Variants in ANXA9 observed in about 807,000 individuals in gnomAD.
The protein encoded by ANXA9 is annexin 31.
In ANXA9, 47 loss-of-function variants were observed where a neutral mutation model predicts 51.8. That is an observed-to-expected ratio of 0.91 (90% CI 0.72 to 1.16). The LOEUF is 1.16. Among genes scored for constraint, ANXA9 ranks in the 50% most tolerant of loss-of-function variants. ANXA9 has a pLI of 0.00. For synonymous variants in ANXA9, 154 were observed against 168.7 expected (o/e 0.91, Z 0.68); for missense variants, 361 against 424.7 (o/e 0.85, Z 1.32).
chr1:150,977,585 C>T (rs1045924708), upstream of ANXA9, among the ~76,000 whole-genome samples: 4 of 152,182 alleles, frequency 2.6e-5, no homozygotes, highest in African/African-American at 9.7e-5. Flanking sequence ...CCTTCAGCCC[C>T]GAGTTTAGAT....
At chr1:150,980,125 G>A (rs587662281), upstream of ANXA9, among the ~76,000 whole-genome samples, 16 of 152,236 alleles carry the variant, frequency 1.1e-4, no homozygotes, top group Admixed American at 5.9e-4. Flanking sequence ...AATTACAGGC[G>A]GTGGCTCACG....
rs1671451955 is a variant in ANXA9 at position 150,983,094 on chromosome 1, A to C, written c.-12A>C. ...GGCTCCTGTTTCCTTCCCCAGGGCA[A>C]CCAGTAGCACCATGTCTGTGACTGG... is the stretch of plus-strand genomic sequence containing the variant. On this transcript the variant is annotated 5_prime_UTR_variant, in exon 3 of 14. Coordinates refer to ENST00000368947, the MANE Select transcript of ANXA9 (RefSeq NM_003568.3). 1 of 1,612,958 alleles carries C rather than the reference A, an allele frequency of 6.2e-7. No homozygotes were observed. Among genetic ancestry groups the C allele is most frequent in the African/African-American group, 1.3e-5 (1 of 74,864 alleles).
At chr1:150,993,828 T>G (rs1671767476) in intron 12 of ANXA9, among the ~76,000 whole-genome samples, 1 of 151,288 alleles carries the variant, frequency 6.6e-6, no homozygotes, top group Non-Finnish European at 1.5e-5. Flanking sequence ...AGAGACGGGG[T>G]TTCACCATTT....
intron 12 of ANXA9, among the ~76,000 whole-genome samples, chr1:150,991,288 G>A (rs1347966975): frequency 8.7e-5 from 13 of 150,138 alleles, no homozygotes; most frequent in Non-Finnish European, 5.9e-5. Context: ...CCAGGCTGGA[G>A]TGCAGTGGCG....
intron 12 of ANXA9, among the ~76,000 whole-genome samples, chr1:150,993,698 G>A (rs1410459885): frequency 7.0e-6 from 1 of 143,554 alleles, no homozygotes; most frequent in African/African-American, 2.6e-5. Flanking sequence ...GCAGTGGCGC[G>A]ATCTCAGCTC....
At position 150,983,043 on chromosome 1, in the gene ANXA9, G is replaced by A. The variant is rs1571686074; in HGVS notation, c.-16-47G>A. 17 of 1,515,008 alleles carry A rather than the reference G, an allele frequency of 1.1e-5. 1 individual carries two copies. In the South Asian group the frequency reaches 2.0e-4, roughly 18 times the overall value. The allele number at this position is 1,515,008 out of a possible 1,614,324, so 93.8% of individuals were successfully genotyped here. ...CTCGGGGGGGTCATAAGGAGTCCCT[G>A]AAGGGCCAGGAAATTCAGCTCTGTG... On this transcript the variant is annotated intron_variant, in intron 2 of 13. Coordinates refer to ENST00000368947, the MANE Select transcript of ANXA9 (RefSeq NM_003568.3).
At chr1:150,987,980 C>G in intron 10 of ANXA9, 24 bp downstream of exon 10, 2 of 1,613,956 alleles carry the variant, frequency 1.2e-6, no homozygotes, top group East Asian at 2.2e-5. Flanking sequence ...TTCTTGTCCC[C>G]CTAGCTTGCT....
chr1:150,980,277 T>C (rs1258698621), upstream of ANXA9, among the ~76,000 whole-genome samples: 1 of 151,484 alleles, frequency 6.6e-6, no homozygotes, highest in Non-Finnish European at 1.5e-5. Flanking sequence ...GCGCCTATAA[T>C]CCCAGCTACT....
In ANXA9 at chr1:150,995,444, C is replaced by A; in HGVS notation, c.*122C>A. 2.3e-6 allele frequency: 2 copies of A among 854,512 alleles called. No individual in the cohort carries two copies. Among genetic ancestry groups the A allele is most frequent in the Non-Finnish European group, 3.6e-6 (2 of 560,618 alleles). The allele number at this position is 854,512 out of a possible 1,614,324, so 52.9% of individuals were successfully genotyped here. On this transcript the variant is annotated 3_prime_UTR_variant, in exon 14 of 14. Transcript: ENST00000368947. ...CCTCACTGAGCACCACATTCTCTAG[C>A]TTCTTGTTGAGGCTGGAACTGTTTC...
At chr1:150,979,560 C>G (rs1473531925), upstream of ANXA9, among the ~76,000 whole-genome samples, 1 of 152,176 alleles carries the variant, frequency 6.6e-6, no homozygotes, top group African/African-American at 2.4e-5. Flanking sequence ...AACCTGGCGT[C>G]CTCAGGAGGC....
chr1:150,978,680 T>G (rs111258532), upstream of ANXA9, among the ~76,000 whole-genome samples: 10 of 151,764 alleles, frequency 6.6e-5, no homozygotes, highest in African/African-American at 2.2e-4. Context: ...GGTAGTAGAT[T>G]AGAGGCTGGG....
chr1:150,994,747 C>T, intron 13 of ANXA9, 48 bp downstream of exon 13: 1 of 1,606,454 alleles, frequency 6.2e-7, no homozygotes. Context: ...CTTCACTCCT[C>T]ACCTCCACCC....
At chr1:150,983,941 C>G (rs1671485045) in intron 4 of ANXA9, 34 bp from the exon 5 acceptor site, 4 of 1,591,440 alleles carry the variant, frequency 2.5e-6, no homozygotes, top group African/African-American at 2.7e-5. Context: ...TATGTAAAGA[C>G]CCTGCTCACA....
intron 12 of ANXA9, among the ~76,000 whole-genome samples, chr1:150,990,121 C>A (rs991828016): frequency 6.6e-6 from 1 of 151,634 alleles, no homozygotes; most frequent in Non-Finnish European, 1.5e-5. Flanking sequence ...CCAACTTAGG[C>A]GACATAGCAA....
intron 12 of ANXA9, among the ~76,000 whole-genome samples, 181 bp from the exon 13 acceptor site, chr1:150,994,396 G>C (rs587621006): frequency 2.3e-4 from 35 of 152,162 alleles, no homozygotes; most frequent in Admixed American, 2.6e-4. Context: ...CTTTCCTGCT[G>C]TGTCATCTTC....
chr1:150,992,078 T>G (rs934157456), intron 12 of ANXA9, among the ~76,000 whole-genome samples: 1 of 152,136 alleles, frequency 6.6e-6, no homozygotes, highest in Non-Finnish European at 1.5e-5. Flanking sequence ...GTATTATTCT[T>G]TTATGAGAGA....
chr1:150,989,345 T>C (rs1671643961), intron 12 of ANXA9, among the ~76,000 whole-genome samples: 3 of 150,698 alleles, frequency 2.0e-5, no homozygotes, highest in Non-Finnish European at 4.4e-5. Flanking sequence ...CCAGTTATTC[T>C]GTTGATTGAA....
In ANXA9 at chr1:150,982,355, C is replaced by T. The variant is rs1013373243; in HGVS notation, c.-138C>T. ...AAGCTACCAGGCCACAACAACGACA[C>T]CCACCTCACCTCTGGCACCTCTGAG... is the stretch of plus-strand genomic sequence containing the variant. On this transcript the variant is annotated 5_prime_UTR_variant, in exon 1 of 14. Transcript: ENST00000368947. The T allele has an allele frequency of 6.5e-6, 1 of 153,088 alleles. No individual in the cohort carries two copies. The highest frequency in any genetic ancestry group is 2.4e-5 in the African/African-American group (1 of 41,484). The allele number at this position is 153,088 out of a possible 1,614,324, so 9.5% of individuals were successfully genotyped here.
At chr1:150,994,506 C>G in intron 12 of ANXA9, 71 bp from the exon 13 acceptor site, 1 of 1,593,646 alleles carries the variant, frequency 6.3e-7, no homozygotes, top group Non-Finnish European at 8.6e-7. Context: ...CAATAACCCT[C>G]CAAGCCATTC....
Sources: gnomAD v4.1 joint callset for allele counts (sites outside exome capture counted in the v4.1 genomes callset) on GRCh38, gnomAD v4.1.1 for gene constraint, MANE v1.5 for transcripts, NCBI Gene and HGNC (gene_info 2026-07-23, HGNC 2026-07-21) for gene names.